Variants in OPCML observed in about 807,000 individuals in gnomAD.
OPCML encodes the protein opioid binding protein/cell adhesion molecule like.
A neutral mutation model predicts 37.8 loss-of-function variants in OPCML; 13 were observed. The observed-to-expected ratio is 0.34, with a 90% CI of 0.22 to 0.55. OPCML has a LOEUF of 0.55. Ranked by LOEUF, OPCML falls within the 20% of genes least tolerant of loss-of-function variation. The pLI is 0.91. For synonymous variants in OPCML, 176 were observed against 168.8 expected (o/e 1.04, Z -0.33); for missense variants, 341 against 435.6 (o/e 0.78, Z 1.93).
chr11:133,159,171 C>T (rs61910348), intron 1 of OPCML, among the ~76,000 whole-genome samples: 3,091 of 152,314 alleles, frequency 0.02, 43 homozygotes, highest in South Asian at 0.034. Flanking sequence ...GAAATCTTCA[C>T]GACCTAGGCA....
intron 3 of OPCML, among the ~76,000 whole-genome samples, chr11:132,609,575 T>C (rs1938514956): frequency 6.6e-6 from 1 of 152,154 alleles, no homozygotes; most frequent in Non-Finnish European, 1.5e-5. Flanking sequence ...TAGCACACCA[T>C]TCCCACCACG....
intron 7 of OPCML, among the ~76,000 whole-genome samples, chr11:132,423,707 A>G (rs2095967915): frequency 6.6e-6 from 1 of 152,220 alleles, no homozygotes; most frequent in African/African-American, 2.4e-5. Flanking sequence ...GCTTTAATAT[A>G]AAAGTGATGG....
At chr11:133,452,996 G>T (rs947784958) in intron 1 of OPCML, among the ~76,000 whole-genome samples, 1 of 148,204 alleles carries the variant, frequency 6.7e-6, no homozygotes, top group Non-Finnish European at 1.5e-5. Flanking sequence ...CATAGTTTCA[G>T]GTCCAGATCC....
At chr11:133,053,286 G>T (rs561351793) in intron 1 of OPCML, among the ~76,000 whole-genome samples, 1 of 152,160 alleles carries the variant, frequency 6.6e-6, no homozygotes, top group Non-Finnish European at 1.5e-5. Context: ...AGCCCTCAAC[G>T]CATGGCGTGC....
In OPCML at chr11:132,943,349, G is replaced by A; in HGVS notation, c.62-339C>T. 1 of 549,312 alleles carries A rather than the reference G, an allele frequency of 1.8e-6. No individual in the cohort carries two copies. The highest frequency in any genetic ancestry group is 3.1e-5 in the East Asian group (1 of 32,548). The allele number at this position is 549,312 out of a possible 1,614,324, so 34.0% of individuals were successfully genotyped here. On this transcript the variant is annotated intron_variant, in intron 1 of 7. Coordinates refer to ENST00000524381, the MANE Select transcript of OPCML (RefSeq NM_001012393.5). This position sits in a 1 kb window ranked among gnomAD's most constrained non-coding sequence, Gnocchi z 4.3. ...AAAAGAGCTTTCTTGACGCTCCCCT[G>A]GGGAGGAGGGAGGCGGCCAGGAGGG...
At chr11:132,936,784 G>T (rs192633312) in intron 2 of OPCML, among the ~76,000 whole-genome samples, 1 of 152,124 alleles carries the variant, frequency 6.6e-6, no homozygotes, top group East Asian at 1.9e-4. Context: ...AGACAACAAG[G>T]GCCTGAGAAC....
At chr11:132,657,418 T>C in intron 2 of OPCML, 99 bp from the exon 3 acceptor site, 1 of 1,476,708 alleles carries the variant, frequency 6.8e-7, no homozygotes, top group Non-Finnish European at 9.0e-7. Flanking sequence ...TTTTGAGGAG[T>C]AAATGAAACA....
Position 133,315,587 on chromosome 11 carries a change from T to C in OPCML, c.61+216677A>G, listed in dbSNP as rs368941314. ...GCCAAAGCGGGTGGATTACTTGAGG[T>C]CAAGAGTTTAAGACCAGCCTGGTCA... On this transcript the variant is annotated intron_variant, in intron 1 of 7. Coordinates refer to ENST00000524381, the MANE Select transcript of OPCML (RefSeq NM_001012393.5). 1.8e-4 allele frequency among the ~76,000 whole-genome samples: 27 copies of C among 152,282 alleles called. No homozygotes were observed. In the East Asian group the frequency reaches 4.6e-3, roughly 26 times the overall value.
At chr11:133,078,692 G>C (rs538232374) in intron 1 of OPCML, among the ~76,000 whole-genome samples, 81 of 152,136 alleles carry the variant, frequency 5.3e-4, no homozygotes, top group Non-Finnish European at 8.7e-4. Context: ...GATGCACCAC[G>C]GGCAGCTCCC....
At chr11:132,522,627 T>G (rs1019305980) in intron 4 of OPCML, among the ~76,000 whole-genome samples, 2 of 152,206 alleles carry the variant, frequency 1.3e-5, no homozygotes, top group African/African-American at 4.8e-5. Flanking sequence ...ATTCCTAAAA[T>G]AAACTGATAA....
chr11:132,692,504 C>A (rs980982109), intron 2 of OPCML, among the ~76,000 whole-genome samples: 2 of 152,148 alleles, frequency 1.3e-5, no homozygotes, highest in Non-Finnish European at 2.9e-5. Context: ...AGTCTTAGAT[C>A]CAAAGCCAGC....
intron 1 of OPCML, among the ~76,000 whole-genome samples, chr11:133,256,710 A>G (rs1485720148): frequency 6.6e-6 from 1 of 152,248 alleles, no homozygotes; most frequent in East Asian, 1.9e-4. Flanking sequence ...AAATCAATGT[A>G]TTTAAGTAAA....
chr11:133,283,538 C>A (rs1942218610), intron 1 of OPCML, among the ~76,000 whole-genome samples: 1 of 152,104 alleles, frequency 6.6e-6, no homozygotes. Flanking sequence ...ACCAATGAAA[C>A]CTCTTTCCTT....
chr11:132,589,687 G>A lies in OPCML; in HGVS notation c.380-60501C>T, dbSNP rs1029059573. 3.3e-5 allele frequency among the ~76,000 whole-genome samples: 5 copies of A among 152,348 alleles called. No individual in the cohort carries two copies. In the South Asian group the frequency reaches 1.0e-3, roughly 32 times the overall value. ...CTAGGCCACTAGGATACAGTGGAGA[G>A]GAACTTCTCCTTTGTAAGCTTAACC... is the stretch of plus-strand genomic sequence containing the variant. On this transcript the variant is annotated intron_variant, in intron 3 of 7. Transcript: ENST00000524381.
At chr11:133,235,389 C>T (rs1940467269) in intron 1 of OPCML, among the ~76,000 whole-genome samples, 1 of 151,954 alleles carries the variant, frequency 6.6e-6, no homozygotes, top group African/African-American at 2.4e-5. Context: ...ACTCTAGTAC[C>T]AGATATTTAC....
At chr11:133,075,070 G>A (rs149800713) in intron 1 of OPCML, among the ~76,000 whole-genome samples, 5 of 152,268 alleles carry the variant, frequency 3.3e-5, no homozygotes, top group South Asian at 2.1e-4. Context: ...AGCCTCTCAC[G>A]CGTCCCCACC....
chr11:132,541,578 A>G (rs2096356763), intron 3 of OPCML, among the ~76,000 whole-genome samples: 1 of 151,242 alleles, frequency 6.6e-6, no homozygotes, highest in Admixed American at 6.6e-5. Flanking sequence ...GTCAAGTGAC[A>G]CTGTGCAAAG....
intron 4 of OPCML, among the ~76,000 whole-genome samples, chr11:132,465,511 A>G (rs886082752): frequency 2.6e-5 from 4 of 151,448 alleles, no homozygotes; most frequent in East Asian, 1.9e-4. Flanking sequence ...TTTCCTGTTT[A>G]TTTAATCAAT....
intron 2 of OPCML, among the ~76,000 whole-genome samples, chr11:132,751,616 A>C (rs566369050): frequency 6.6e-6 from 1 of 152,364 alleles, no homozygotes; most frequent in Admixed American, 6.5e-5. Flanking sequence ...ATTTCAAGAA[A>C]TAGGAATTAT....
Sources: gnomAD v4.1 joint callset for allele counts (sites outside exome capture counted in the v4.1 genomes callset) on GRCh38, gnomAD v4.1.1 for gene constraint, Gnocchi (gnomAD v3.1) non-coding constraint, MANE v1.5 for transcripts, NCBI Gene and HGNC (gene_info 2026-07-23, HGNC 2026-07-21) for gene names.